FAM222A: variants seen among roughly 807,000 people sequenced by gnomAD.
The protein encoded by FAM222A is family with sequence similarity 222 member A.
In FAM222A, 7 loss-of-function variants were observed where a neutral mutation model predicts 25.8. That is an observed-to-expected ratio of 0.27 (90% CI 0.15 to 0.51). The LOEUF (loss-of-function observed/expected upper bound fraction) is 0.51, where lower values mean the gene tolerates loss of function less well. Among genes scored for constraint, FAM222A ranks in the 20% least tolerant of loss-of-function variants. The pLI is 0.97. For synonymous variants in FAM222A, 294 were observed against 298.8 expected (o/e 0.98, Z 0.17); for missense variants, 573 against 640.5 (o/e 0.89, Z 1.14).
At chr12:109,740,707 A>G (rs1407205158) in intron 1 of FAM222A, among the ~76,000 whole-genome samples, 1 of 152,182 alleles carries the variant, frequency 6.6e-6, no homozygotes, top group Non-Finnish European at 1.5e-5. Context: ...TCGGCCATTC[A>G]TTCAACACCT....
At chr12:109,750,974 A>G (rs1182757939) in intron 2 of FAM222A, among the ~76,000 whole-genome samples, 2 of 152,046 alleles carry the variant, frequency 1.3e-5, no homozygotes, top group Admixed American at 1.3e-4. Context: ...GACCATAGAG[A>G]GTCTGTTTTC....
At chr12:109,726,642 G>A (rs561621608) in intron 1 of FAM222A, among the ~76,000 whole-genome samples, 1 of 152,354 alleles carries the variant, frequency 6.6e-6, no homozygotes, top group East Asian at 1.9e-4. Context: ...CAGCAGGGGG[G>A]CTCAGGCCTG....
Position 109,769,405 on chromosome 12 carries a change from C to T in FAM222A, c.*117C>T. Reference sequence around the variant, plus strand: ...GCCCCACCCTGTGCCTGCTGATGCCCACAGGGGAGCCAGGCTGGCTGCCGC... The same window carrying T: ...GCCCCACCCTGTGCCTGCTGATGCCTACAGGGGAGCCAGGCTGGCTGCCGC... On this transcript the variant is annotated 3_prime_UTR_variant, in exon 3 of 3. Transcript: ENST00000538780. 7.8e-7 allele frequency: 1 copy of T among 1,288,354 alleles called. No homozygotes were observed. The highest frequency in any genetic ancestry group is 2.5e-5 in the East Asian group (1 of 39,264). 79.8% of individuals were successfully genotyped at this position (1,288,354 alleles called of 1,614,324 possible). A position where few individuals can be genotyped will look rare whatever the true frequency, so the allele number is the denominator to read the frequency against.
At position 109,768,475 on chromosome 12, in the gene FAM222A, CCCCCTGCCGGGCCGGGGCCTG is replaced by C. The variant is rs766633078; in HGVS notation, c.555_575del (p.Gly186_Pro192del). The C allele has an allele frequency of 6.2e-6, 10 of 1,603,544 alleles. No individual in the cohort carries two copies. In the African/African-American group the frequency reaches 9.3e-5, roughly 15 times the overall value. ...CAGCCGCCACTGCCGCCTCCGTCAT[CCCCCTGCCGGGCCGGGGCCTG>C]CCCCTGCCACCTTCCAACCTGCCCT... On this transcript the variant is annotated inframe_deletion, in exon 3 of 3. Coordinates refer to ENST00000538780, the MANE Select transcript of FAM222A (RefSeq NM_032829.3).
chr12:109,738,614 A>G (rs779984789), intron 1 of FAM222A, among the ~76,000 whole-genome samples: 4 of 152,178 alleles, frequency 2.6e-5, no homozygotes, highest in Non-Finnish European at 5.9e-5. Flanking sequence ...CAGAGTCTGA[A>G]CCATCTACTC....
At chr12:109,748,254 A>G (rs1041677933) in intron 2 of FAM222A, among the ~76,000 whole-genome samples, 7 of 151,286 alleles carry the variant, frequency 4.6e-5, no homozygotes, top group African/African-American at 1.7e-4. Context: ...ATATTTCTTT[A>G]TAATATACTG....
In FAM222A at chr12:109,753,728, C is replaced by G. The variant is rs551729487; in HGVS notation, c.82+9500C>G. Among the ~76,000 whole-genome samples, 25 of 151,716 alleles carry G rather than the reference C, an allele frequency of 1.6e-4. No individual in the cohort carries two copies. The East Asian group carries it at 4.7e-3, about 28-fold the overall frequency. ...TCACCCCACCCCCGCCCTACAGACC[C>G]TCAGGACGCCGACAGGCTGGAGCTA... On this transcript the variant is annotated intron_variant, in intron 2 of 2. Transcript: ENST00000538780.
intron 2 of FAM222A, among the ~76,000 whole-genome samples, chr12:109,762,409 C>A (rs1324783688): frequency 6.6e-6 from 1 of 152,210 alleles, no homozygotes; most frequent in Non-Finnish European, 1.5e-5. Context: ...AGGTGGAAGG[C>A]ACATTGCCTC....
At chr12:109,737,804 G>A (rs1276854700) in intron 1 of FAM222A, among the ~76,000 whole-genome samples, 2 of 152,170 alleles carry the variant, frequency 1.3e-5, no homozygotes, top group African/African-American at 4.8e-5. Flanking sequence ...TCTCTAACCA[G>A]ATCTGCCTAG....
At chr12:109,749,112 GTTGT>G (rs1459375434) in intron 2 of FAM222A, among the ~76,000 whole-genome samples, 10 of 152,040 alleles carry the variant, frequency 6.6e-5, no homozygotes, top group African/African-American at 2.4e-5. Context: ...TTGTTTGTTT[GTTGT>G]TTGTTTCGAG....
At chr12:109,738,011 AAGAGAG>A (rs974262500) in intron 1 of FAM222A, among the ~76,000 whole-genome samples, 1 of 152,016 alleles carries the variant, frequency 6.6e-6, no homozygotes, top group Admixed American at 6.6e-5. Flanking sequence ...GGAAGGGAGA[AAGAGAG>A]AGAGACAGCA....
chr12:109,760,883 C>A (rs1463238336), intron 2 of FAM222A, among the ~76,000 whole-genome samples: 1 of 152,196 alleles, frequency 6.6e-6, no homozygotes, highest in Non-Finnish European at 1.5e-5. Context: ...CCTTGAATGC[C>A]ACCCTCAGCA....
At chr12:109,721,847 C>G (rs914676069) in intron 1 of FAM222A, among the ~76,000 whole-genome samples, 1 of 152,196 alleles carries the variant, frequency 6.6e-6, no homozygotes, top group Non-Finnish European at 1.5e-5. Flanking sequence ...TGGGCACTCT[C>G]TCGTTCATCA....
chr12:109,757,059 TG>T (rs1336558522), intron 2 of FAM222A, among the ~76,000 whole-genome samples: 1 of 152,246 alleles, frequency 6.6e-6, no homozygotes, highest in East Asian at 1.9e-4. Context: ...AAGTTAGTCT[TG>T]GTAGTTGATG....
chr12:109,751,877 C>T lies in FAM222A; in HGVS notation c.82+7649C>T, dbSNP rs193124746. ...ACTTGATCTCTGCTACTATTGGAAG[C>T]CTGTTCTTTTTTGTTTAGGGGTTTA... On this transcript the variant is annotated intron_variant, in intron 2 of 2. Coordinates refer to ENST00000538780, the MANE Select transcript of FAM222A (RefSeq NM_032829.3). 3.4e-4 allele frequency among the ~76,000 whole-genome samples: 52 copies of T among 152,292 alleles called. No homozygotes were observed. In the South Asian group the frequency reaches 6.8e-3, roughly 20 times the overall value.
intron 1 of FAM222A, among the ~76,000 whole-genome samples, chr12:109,721,684 G>C (rs1887748911): frequency 6.6e-6 from 1 of 152,186 alleles, no homozygotes; most frequent in Non-Finnish European, 1.5e-5. Flanking sequence ...TGTGTATCCA[G>C]GTTGTTCTTA....
chr12:109,745,220 G>A (rs1488250049), intron 2 of FAM222A, among the ~76,000 whole-genome samples: 2 of 152,206 alleles, frequency 1.3e-5, no homozygotes, highest in Non-Finnish European at 2.9e-5. Flanking sequence ...TATGTATGGA[G>A]ACGCATATTT....
At chr12:109,723,158 C>T (rs995046741) in intron 1 of FAM222A, among the ~76,000 whole-genome samples, 4 of 152,070 alleles carry the variant, frequency 2.6e-5, no homozygotes, top group East Asian at 1.9e-4. Flanking sequence ...ATTTTGAGCC[C>T]GGGGTGGATG....
intron 2 of FAM222A, among the ~76,000 whole-genome samples, chr12:109,765,566 A>T (rs1283185362): frequency 6.6e-6 from 1 of 152,084 alleles, no homozygotes; most frequent in Admixed American, 6.5e-5. Flanking sequence ...CACCTCTTCT[A>T]CCAGTGGCCC....
Sources: allele counts gnomAD v4.1 joint callset (sites outside exome capture counted in the v4.1 genomes callset), GRCh38; gene constraint gnomAD v4.1.1; transcripts MANE v1.5; gene names NCBI Gene and HGNC (gene_info 2026-07-23, HGNC 2026-07-21).